Variants in TRPC4 observed in about 807,000 individuals in gnomAD.
TRPC4 encodes the protein short transient receptor potential channel 4.
In TRPC4, 49 loss-of-function variants were observed where a neutral mutation model predicts 99.4. The observed-to-expected ratio is 0.49, with a 90% CI of 0.39 to 0.63. TRPC4 has a LOEUF of 0.63. Ranked by LOEUF, TRPC4 falls within the 20% of genes least tolerant of loss-of-function variation. TRPC4 has a pLI of 0.00. For synonymous variants in TRPC4, 454 were observed against 425.9 expected (o/e 1.07, Z -0.81); for missense variants, 898 against 1,152.9 (o/e 0.78, Z 3.20).
intron 3 of TRPC4, among the ~76,000 whole-genome samples, chr13:37,701,668 C>G (rs1038189060): frequency 6.6e-6 from 1 of 152,016 alleles, no homozygotes; most frequent in Non-Finnish European, 1.5e-5. Flanking sequence ...AAATAAGGAA[C>G]AAACTACTGT....
rs547018464 is a variant in TRPC4 at position 37,656,189 on chromosome 13, C to G, written c.1689-906G>C. ...AAATAAGCTGAGGACTATCTGAACT[C>G]AAATGGAGAATTGTTTGTTTCAAAG... is the stretch of plus-strand genomic sequence containing the variant. On this transcript the variant is annotated intron_variant, in intron 6 of 10. Transcript: ENST00000379705. 2.0e-5 allele frequency among the ~76,000 whole-genome samples: 3 copies of G among 152,072 alleles called. No homozygotes were observed. The South Asian group carries it at 6.2e-4, about 32-fold the overall frequency.
rs1952294519 is a variant in TRPC4 at position 37,657,939 on chromosome 13, T to C, written c.1689-2656A>G. 2.6e-5 allele frequency among the ~76,000 whole-genome samples: 4 copies of C among 152,250 alleles called. No homozygotes were observed. The South Asian group carries it at 8.3e-4, about 32-fold the overall frequency. On this transcript the variant is annotated intron_variant, in intron 6 of 10. Transcript: ENST00000379705. The stretch of plus-strand genomic sequence containing the variant: ...AAAGACTAGTTCCACTTAACTAAAA[T>C]ATATTTATTTCTCAGAGGAATTAAG...
At chr13:37,793,646 T>A (rs935551150) in intron 1 of TRPC4, among the ~76,000 whole-genome samples, 7 of 152,120 alleles carry the variant, frequency 4.6e-5, no homozygotes, top group Non-Finnish European at 8.8e-5. Flanking sequence ...CATTCAACTT[T>A]GCTGACCTCT....
intron 4 of TRPC4, among the ~76,000 whole-genome samples, chr13:37,690,589 C>A (rs1468589858): frequency 6.6e-6 from 1 of 152,202 alleles, no homozygotes; most frequent in East Asian, 1.9e-4. Context: ...GTCACTGTGT[C>A]CTGCCCGGCC....
intron 3 of TRPC4, among the ~76,000 whole-genome samples, chr13:37,720,306 C>A (rs1954825409): frequency 6.6e-6 from 1 of 152,042 alleles, no homozygotes; most frequent in Non-Finnish European, 1.5e-5. Flanking sequence ...TGAAAGCAAC[C>A]ACTAAAATAT....
chr13:37,641,309 G>A (rs989183971), intron 8 of TRPC4, among the ~76,000 whole-genome samples: 1 of 152,068 alleles, frequency 6.6e-6, no homozygotes, highest in Non-Finnish European at 1.5e-5. Context: ...TGTTCACTAT[G>A]GTACCTTTCA....
At chr13:37,649,751 AAAAAAAAAACAAC>A (rs1306170369) in intron 8 of TRPC4, among the ~76,000 whole-genome samples, 8 of 139,192 alleles carry the variant, frequency 5.7e-5, no homozygotes, top group South Asian at 2.3e-4. Flanking sequence ...AAAAAAAAAA[AAAAAAAAAACAAC>A]AACAAAGAAC....
At position 37,679,210 on chromosome 13, in the gene TRPC4, T is replaced by C. The variant is rs186666411; in HGVS notation, c.1235-4843A>G. Among the ~76,000 whole-genome samples, 257 of 152,234 alleles carry C rather than the reference T, an allele frequency of 1.7e-3. 2 individuals are homozygous for C. Among genetic ancestry groups the C allele is most frequent in the African/African-American group, 5.8e-3 (239 of 41,564 alleles). Reference sequence around the variant, plus strand: ...CTATTAAAAAAACTGGCAAACAATCTGATATCAGGGCCGTAGTTTGCTGCC... The same window carrying C: ...CTATTAAAAAAACTGGCAAACAATCCGATATCAGGGCCGTAGTTTGCTGCC... On this transcript the variant is annotated intron_variant, in intron 4 of 10. Transcript: ENST00000379705.
At chr13:37,845,664 A>G (rs746202551) in intron 1 of TRPC4, among the ~76,000 whole-genome samples, 1 of 152,060 alleles carries the variant, frequency 6.6e-6, no homozygotes, top group Non-Finnish European at 1.5e-5. Flanking sequence ...GTCTATAGGA[A>G]TTATGGAACA....
intron 1 of TRPC4, among the ~76,000 whole-genome samples, chr13:37,830,698 G>T (rs1353310937): frequency 6.7e-6 from 1 of 149,570 alleles, no homozygotes; most frequent in Non-Finnish European, 1.5e-5. Flanking sequence ...GACAACCAGA[G>T]CGAAATTCCG....
At chr13:37,864,104 C>T (rs188499818) in intron 1 of TRPC4, among the ~76,000 whole-genome samples, 1 of 151,740 alleles carries the variant, frequency 6.6e-6, no homozygotes, top group African/African-American at 2.4e-5. Flanking sequence ...AAACAAATCC[C>T]TCATGCCACC....
intron 1 of TRPC4, among the ~76,000 whole-genome samples, chr13:37,800,662 A>T (rs1957377188): frequency 6.6e-6 from 1 of 152,096 alleles, no homozygotes; most frequent in Non-Finnish European, 1.5e-5. Flanking sequence ...GCTACTAAAG[A>T]TAAAATATAT....
Position 37,793,689 on chromosome 13 carries a change from T to C in TRPC4, c.-27-10329A>G, listed in dbSNP as rs536169542. Among the ~76,000 whole-genome samples the C allele has an allele frequency of 2.4e-4, 37 of 152,202 alleles. No individual in the cohort carries two copies. The South Asian group carries it at 7.0e-3, about 29-fold the overall frequency. On this transcript the variant is annotated intron_variant, in intron 1 of 10. Coordinates refer to ENST00000379705, the MANE Select transcript of TRPC4 (RefSeq NM_016179.4). ...TAGAAATCTACCAATAAGATAAAAG[T>C]TATTGTGTGCCATGTGATCAGATTA... is the stretch of plus-strand genomic sequence containing the variant.
chr13:37,863,144 T>G (rs1959498976), intron 1 of TRPC4, among the ~76,000 whole-genome samples: 2 of 151,528 alleles, frequency 1.3e-5, no homozygotes, highest in South Asian at 4.1e-4. Context: ...GTTCGTGCAA[T>G]GATGAAATTG....
At chr13:37,792,478 C>T (rs1957145450) in intron 1 of TRPC4, among the ~76,000 whole-genome samples, 1 of 152,090 alleles carries the variant, frequency 6.6e-6, no homozygotes, top group Non-Finnish European at 1.5e-5. Flanking sequence ...GTACTTCTTT[C>T]ACTGTGTTAA....
In TRPC4 at chr13:37,636,768, A is replaced by G. The variant is rs948611998; in HGVS notation, c.*135T>C. On this transcript the variant is annotated 3_prime_UTR_variant, in exon 11 of 11. Coordinates refer to ENST00000379705, the MANE Select transcript of TRPC4 (RefSeq NM_016179.4). The stretch of plus-strand genomic sequence containing the variant: ...TGCCTTTGCCTTATTTAAACATGTT[A>G]CAGGTAATATGCCACAGCTGATAAA... The G allele has an allele frequency of 1.8e-5, 19 of 1,028,086 alleles. No individual in the cohort carries two copies. Among genetic ancestry groups the G allele is most frequent in the African/African-American group, 1.2e-4 (7 of 60,790 alleles). The allele number at this position is 1,028,086 out of a possible 1,614,324, so 63.7% of individuals were successfully genotyped here.
At chr13:37,724,211 C>T (rs1954962763) in intron 3 of TRPC4, among the ~76,000 whole-genome samples, 1 of 151,662 alleles carries the variant, frequency 6.6e-6, no homozygotes, top group South Asian at 2.1e-4. Flanking sequence ...TAACATAATC[C>T]CATTTATATA....
intron 6 of TRPC4, among the ~76,000 whole-genome samples, chr13:37,660,714 T>C (rs1389723110): frequency 1.3e-5 from 2 of 152,134 alleles, no homozygotes; most frequent in East Asian, 3.8e-4. Context: ...GTTAGGTACT[T>C]TATATGAATT....
At chr13:37,797,786 G>A (rs1406462697) in intron 1 of TRPC4, among the ~76,000 whole-genome samples, 1 of 152,210 alleles carries the variant, frequency 6.6e-6, no homozygotes, top group African/African-American at 2.4e-5. Context: ...CAACTTAAAA[G>A]ACTAGACTTT....
Sources: gnomAD v4.1 joint callset for allele counts (sites outside exome capture counted in the v4.1 genomes callset) on GRCh38, gnomAD v4.1.1 for gene constraint, MANE v1.5 for transcripts, NCBI Gene and HGNC (gene_info 2026-07-23, HGNC 2026-07-21) for gene names.